The following LPGAT1 variants were observed in gnomAD, a reference collection of about 807,000 sequenced individuals.
LPGAT1 encodes the protein acyl-CoA:lysophosphatidylglycerol acyltransferase 1.
LPGAT1 carries 11 observed loss-of-function variants against 47.5 expected under a neutral mutation model. The ratio of observed to expected loss-of-function variants is 0.23; its 90% CI spans 0.15 to 0.38. The LOEUF (loss-of-function observed/expected upper bound fraction) is 0.38, where lower values mean the gene tolerates loss of function less well. Ranked by LOEUF, LPGAT1 falls within the 10% of genes least tolerant of loss-of-function variation. The pLI, the probability that LPGAT1 is intolerant of heterozygous loss-of-function variation, is 1.00. For missense variants in LPGAT1, 293 were observed against 439.0 expected, an observed-to-expected ratio of 0.67 and a Z score of 2.97; for synonymous variants, 138 against 144.2, an observed-to-expected ratio of 0.96 and a Z score of 0.31.
rs1481039849 is a variant in LPGAT1, at chr1:211,830,296, C to A, written c.-28+277G>T. 3.4e-5 allele frequency: 36 copies of A among 1,060,008 alleles called. No homozygotes were observed. The highest frequency in any genetic ancestry group is 4.0e-5 in the Non-Finnish European group (35 of 878,494). The allele number at this position is 1,060,008 out of a possible 1,614,324, so 65.7% of individuals were successfully genotyped here. A position where few individuals can be genotyped will look rare whatever the true frequency, so the allele number is the denominator to read the frequency against. ...CAAGCGGCCCGAGGCGCTGCGCGAGCGGGCGCGCTGGCGCCCTACTCCCCT... is the reference window on the plus strand; with the variant it reads ...CAAGCGGCCCGAGGCGCTGCGCGAGAGGGCGCGCTGGCGCCCTACTCCCCT... On this transcript the variant is annotated intron_variant, in intron 1 of 7. Transcript: ENST00000366997. The surrounding 1 kb of genome is among the most constrained non-coding windows in gnomAD (Gnocchi z 5.9).
intron 6 of LPGAT1, among the ~76,000 whole-genome samples, chr1:211,770,989 C>T (rs181119099): frequency 6.6e-6 from 1 of 151,376 alleles, no homozygotes; most frequent in Non-Finnish European, 1.5e-5. Context: ...CCCAGCTACC[C>T]GAGAGGCTGA....
At chr1:211,787,179 C>A (rs1658915326) in intron 4 of LPGAT1, among the ~76,000 whole-genome samples, 1 of 152,076 alleles carries the variant, frequency 6.6e-6, no homozygotes, top group Admixed American at 6.6e-5. Flanking sequence ...GGTTAGGGAA[C>A]AAAGATTCCG....
chr1:211,774,854 TA>T (rs1303826008), intron 6 of LPGAT1, among the ~76,000 whole-genome samples: 1 of 152,238 alleles, frequency 6.6e-6, no homozygotes, highest in Non-Finnish European at 1.5e-5. Context: ...TAAAATAAGT[TA>T]TTACATTCTT....
Position 211,830,091 on chromosome 1 carries a change from GA to G in LPGAT1, c.-28+481del. 1.0e-6 allele frequency: 1 copy of G among 984,762 alleles called. No individual in the cohort carries two copies. Among genetic ancestry groups the G allele is most frequent in the Non-Finnish European group, 1.2e-6 (1 of 829,752 alleles). 61.0% of individuals were successfully genotyped at this position (984,762 alleles called of 1,614,324 possible). A position where few individuals can be genotyped will look rare whatever the true frequency, so the allele number is the denominator to read the frequency against. On this transcript the variant is annotated intron_variant, in intron 1 of 7. Coordinates refer to ENST00000366997, the MANE Select transcript of LPGAT1 (RefSeq NM_014873.3). The surrounding 1 kb of genome is among the most constrained non-coding windows in gnomAD (Gnocchi z 5.9). ...ATGATGAAAGGGGCAGAGAAGAGGC[GA>G]CCGCAGCGCGGGGAGCCGGTGGAGC...
chr1:211,772,325 T>C (rs1429369663), intron 6 of LPGAT1, among the ~76,000 whole-genome samples: 1 of 152,210 alleles, frequency 6.6e-6, no homozygotes, highest in Non-Finnish European at 1.5e-5. Context: ...TTAATTACAT[T>C]AGTGTAACTA....
intron 6 of LPGAT1, among the ~76,000 whole-genome samples, chr1:211,765,365 G>C (rs1558258312): frequency 6.6e-6 from 1 of 151,986 alleles, no homozygotes; most frequent in African/African-American, 2.4e-5. Flanking sequence ...TAAATGAAAA[G>C]GTTAGACAAA....
chr1:211,797,948 A>G (rs988673157), intron 2 of LPGAT1, among the ~76,000 whole-genome samples: 1 of 152,180 alleles, frequency 6.6e-6, no homozygotes, highest in African/African-American at 2.4e-5. Context: ...CATCTACTAC[A>G]TACACACAAC....
chr1:211,755,246 G>A (rs1657391004), intron 6 of LPGAT1, among the ~76,000 whole-genome samples: 1 of 151,470 alleles, frequency 6.6e-6, no homozygotes, highest in Non-Finnish European at 1.5e-5. Context: ...GCTGAGGCAG[G>A]AGAACTGCTT....
At chr1:211,753,579 C>T (rs1490396528) in intron 6 of LPGAT1, among the ~76,000 whole-genome samples, 1 of 151,730 alleles carries the variant, frequency 6.6e-6, no homozygotes, top group Non-Finnish European at 1.5e-5. Context: ...TGTATTATTG[C>T]TACAATATCT....
At chr1:211,795,371 G>GT (rs1374683258) in intron 2 of LPGAT1, among the ~76,000 whole-genome samples, 2 of 151,938 alleles carry the variant, frequency 1.3e-5, no homozygotes, top group African/African-American at 2.4e-5. Flanking sequence ...TGTTTGTTTG[G>GT]TTTTTTTGTT....
At chr1:211,775,262 A>G (rs970952254) in intron 6 of LPGAT1, among the ~76,000 whole-genome samples, 2 of 152,240 alleles carry the variant, frequency 1.3e-5, no homozygotes, top group African/African-American at 4.8e-5. Flanking sequence ...GGTTACAGTG[A>G]GCCGAGATTG....
At position 211,812,237 on chromosome 1, in the gene LPGAT1, A is replaced by C. The variant is rs74609308; in HGVS notation, c.238+16822T>G. Among the ~76,000 whole-genome samples the C allele has an allele frequency of 1.4e-4, 21 of 152,376 alleles. No individual in the cohort carries two copies. The East Asian group carries it at 4.0e-3, about 29-fold the overall frequency. Reference sequence around the variant, plus strand: ...CTTGGGAGGGCTTTCTTTTTAACAAAAAGTCTTATCAAAGGATAAAAAGTT... The same window carrying C: ...CTTGGGAGGGCTTTCTTTTTAACAACAAGTCTTATCAAAGGATAAAAAGTT... On this transcript the variant is annotated intron_variant, in intron 2 of 7. Transcript: ENST00000366997.
intron 6 of LPGAT1, among the ~76,000 whole-genome samples, chr1:211,751,967 G>A (rs974106961): frequency 3.9e-5 from 6 of 152,120 alleles, no homozygotes; most frequent in Non-Finnish European, 5.9e-5. Context: ...CAGTATGGAA[G>A]ATGAGGATGA....
At chr1:211,818,667 A>G (rs1444554433) in intron 2 of LPGAT1, among the ~76,000 whole-genome samples, 1 of 152,234 alleles carries the variant, frequency 6.6e-6, no homozygotes, top group African/African-American at 2.4e-5. Flanking sequence ...AATATTTGTC[A>G]AACTTTGGAG....
At position 211,748,895 on chromosome 1, in the gene LPGAT1, C is replaced by T. The variant is rs1657054668; in HGVS notation, c.*1004G>A. ...TATTTTTCTATAAACTAGCCTATTT[C>T]CCCTTAAACTGATCATTTAAATGTT... On this transcript the variant is annotated 3_prime_UTR_variant, in exon 8 of 8. Transcript: ENST00000366997. 2.0e-5 allele frequency: 3 copies of T among 152,390 alleles called. No homozygotes were observed. Among genetic ancestry groups the T allele is most frequent in the Admixed American group, 2.0e-4 (3 of 15,290 alleles). The allele number at this position is 152,390 out of a possible 1,614,324, so 9.4% of individuals were successfully genotyped here. A position where few individuals can be genotyped will look rare whatever the true frequency, so the allele number is the denominator to read the frequency against.
intron 6 of LPGAT1, among the ~76,000 whole-genome samples, chr1:211,754,504 G>A (rs888281116): frequency 1.3e-5 from 2 of 151,938 alleles, no homozygotes; most frequent in Admixed American, 6.6e-5. Flanking sequence ...ATTTTATGGG[G>A]GTTTTAGGAG....
intron 2 of LPGAT1, among the ~76,000 whole-genome samples, chr1:211,801,699 C>A (rs2102570713): frequency 6.7e-6 from 1 of 149,778 alleles, no homozygotes; most frequent in East Asian, 2.0e-4. Context: ...CAGAGCGAGA[C>A]CCTGTCTCTT....
intron 7 of LPGAT1, among the ~76,000 whole-genome samples, chr1:211,750,429 G>A (rs1188276215): frequency 6.6e-6 from 1 of 152,184 alleles, no homozygotes; most frequent in African/African-American, 2.4e-5. Flanking sequence ...GTCTCCCACT[G>A]GAATATAATC....
intron 6 of LPGAT1, among the ~76,000 whole-genome samples, chr1:211,755,153 C>G (rs532012066): frequency 6.7e-6 from 1 of 149,686 alleles, no homozygotes; most frequent in Non-Finnish European, 1.5e-5. Context: ...CTGGCTAACA[C>G]GGTGAAACCC....
Sources: gnomAD v4.1 joint callset for allele counts (sites outside exome capture counted in the v4.1 genomes callset) on GRCh38, gnomAD v4.1.1 for gene constraint, Gnocchi (gnomAD v3.1) non-coding constraint, MANE v1.5 for transcripts, NCBI Gene and HGNC (gene_info 2026-07-23, HGNC 2026-07-21) for gene names.